PIAS2: variants seen among roughly 807,000 people sequenced by gnomAD.
PIAS2 encodes the protein protein inhibitor of activated STAT 2, also known as E3 SUMO-protein ligase PIAS2.
Under a neutral mutation model 69.7 loss-of-function variants are expected in PIAS2, and 19 were observed. The observed-to-expected ratio is 0.27, with a 90% CI of 0.19 to 0.40. The LOEUF is 0.40. Among genes scored for constraint, PIAS2 ranks in the 10% least tolerant of loss-of-function variants. The probability of loss-of-function intolerance (pLI) is 1.00; values close to 1 mark genes in which losing one functional copy is unlikely to be tolerated. For synonymous variants in PIAS2, 261 were observed against 263.2 expected (o/e 0.99, Z 0.08); for missense variants, 624 against 757.0 (o/e 0.82, Z 2.06).
chr18:46,869,607 T>A (rs1042893504), intron 2 of PIAS2, among the ~76,000 whole-genome samples: 53 of 152,246 alleles, frequency 3.5e-4, no homozygotes, highest in African/African-American at 1.3e-3. Context: ...ATGAAAGATA[T>A]AAAGCTAGTG....
At chr18:46,832,866 T>C (rs1001800832) in intron 9 of PIAS2, among the ~76,000 whole-genome samples, 4 of 131,154 alleles carry the variant, frequency 3.0e-5, no homozygotes, top group African/African-American at 1.2e-4. Flanking sequence ...CACTCCAGCC[T>C]GGGCAACAGA....
intron 8 of PIAS2, among the ~76,000 whole-genome samples, chr18:46,840,512 C>A (rs568634972): frequency 1.3e-5 from 2 of 152,260 alleles, no homozygotes; most frequent in South Asian, 4.1e-4. Flanking sequence ...TTGTTTTTGT[C>A]GTTTTCTTCT....
chr18:46,815,322 A>G lies in PIAS2; in HGVS notation c.1676T>C (p.Val559Ala). 6.2e-7 allele frequency: 1 copy of G among 1,612,172 alleles called. No homozygotes were observed. The highest frequency in any genetic ancestry group is 8.5e-7 in the Non-Finnish European group (1 of 1,178,632). The stretch of plus-strand genomic sequence containing the variant: ...ATTCAGGATACATACCTGGGGATCA[A>G]CTGGAATAAGGGAAAGAAAATCCAA... ...PGLDFLSLIP[V>A]DPQYCPPMFL... Residue 559 changes from valine to alanine, a missense_variant, in exon 13 of 14, where the codon GTT (valine) becomes GCT (alanine). By Grantham distance (64) the Val-to-Ala change is moderately conservative (BLOSUM62 0). This residue lies in a region of PIAS2 where 241 missense variants were observed against 257.3 expected (regional missense o/e 0.94). Coordinates refer to ENST00000585916, the MANE Select transcript of PIAS2 (RefSeq NM_004671.5).
intron 2 of PIAS2, among the ~76,000 whole-genome samples, chr18:46,880,542 T>C (rs1197577753): frequency 6.6e-6 from 1 of 152,152 alleles, no homozygotes; most frequent in Non-Finnish European, 1.5e-5. Context: ...TGATCATGCC[T>C]GTGAATAACC....
At chr18:46,901,073 T>C (rs1051629402) in intron 1 of PIAS2, 6 of 398,668 alleles carry the variant, frequency 1.5e-5, no homozygotes, top group Non-Finnish European at 2.9e-5. Flanking sequence ...AAATTCATTT[T>C]ATGAAACTAA....
intron 8 of PIAS2, among the ~76,000 whole-genome samples, chr18:46,837,477 T>C (rs192072053): frequency 7.2e-4 from 109 of 152,334 alleles, no homozygotes; most frequent in African/African-American, 2.6e-3. Flanking sequence ...ATAGGCACTC[T>C]TTATATAAGA....
chr18:46,825,668 T>C (rs2042751893), intron 11 of PIAS2, among the ~76,000 whole-genome samples: 2 of 152,208 alleles, frequency 1.3e-5, no homozygotes, highest in Admixed American at 6.5e-5. Context: ...GGAACAAAAC[T>C]GGCATGGTAT....
At chr18:46,902,181 T>C (rs2055962732) in intron 1 of PIAS2, among the ~76,000 whole-genome samples, 1 of 145,372 alleles carries the variant, frequency 6.9e-6, no homozygotes, top group Admixed American at 6.9e-5. Context: ...AAAATTAAAA[T>C]ACATATGTAA....
chr18:46,882,953 C>T (rs2052522725), intron 2 of PIAS2, among the ~76,000 whole-genome samples: 1 of 151,490 alleles, frequency 6.6e-6, no homozygotes, highest in South Asian at 2.1e-4. Flanking sequence ...TTAGCCAGGC[C>T]TGGTGGCGGG....
chr18:46,889,361 A>C (rs529933402), intron 2 of PIAS2, among the ~76,000 whole-genome samples: 5 of 152,372 alleles, frequency 3.3e-5, no homozygotes, highest in African/African-American at 9.6e-5. Flanking sequence ...TATATCCAGA[A>C]TATACAGAGA....
chr18:46,865,979 C>T (rs1258738325), intron 2 of PIAS2, among the ~76,000 whole-genome samples: 1 of 152,082 alleles, frequency 6.6e-6, no homozygotes, highest in Non-Finnish European at 1.5e-5. Context: ...CTCTTAACTG[C>T]CAAATGTAAT....
chr18:46,859,447 AAAAAAG>A (rs2048341008), intron 3 of PIAS2, among the ~76,000 whole-genome samples: 1 of 151,428 alleles, frequency 6.6e-6, no homozygotes, highest in South Asian at 2.1e-4. Context: ...AAAAAAAAAA[AAAAAAG>A]AATCAATGAA....
At chr18:46,865,439 C>G (rs959477796) in intron 2 of PIAS2, among the ~76,000 whole-genome samples, 1 of 150,642 alleles carries the variant, frequency 6.6e-6, no homozygotes, top group African/African-American at 2.4e-5. Flanking sequence ...ACTCCAGAGG[C>G]TGAGGCAGAA....
rs543495903 is a variant in PIAS2 at position 46,833,942 on chromosome 18, C to T, written c.1202+2415G>A. Among the ~76,000 whole-genome samples, 5 of 152,234 alleles carry T rather than the reference C, an allele frequency of 3.3e-5. No homozygotes were observed. In the South Asian group the frequency reaches 1.0e-3, roughly 32 times the overall value. Reference sequence around the variant, plus strand: ...CCTTAATGGGATCACCTATTCCCTACTGTAAAGTTCCTTCCTCATCCCCAA... The same window carrying T: ...CCTTAATGGGATCACCTATTCCCTATTGTAAAGTTCCTTCCTCATCCCCAA... On this transcript the variant is annotated intron_variant, in intron 9 of 13. Transcript: ENST00000585916.
At chr18:46,857,749 T>C (rs2048049089) in intron 3 of PIAS2, among the ~76,000 whole-genome samples, 1 of 152,192 alleles carries the variant, frequency 6.6e-6, no homozygotes, top group Non-Finnish European at 1.5e-5. Context: ...GTGCTAAATA[T>C]CTTCACAAAC....
At chr18:46,873,971 G>A (rs1471616894) in intron 2 of PIAS2, among the ~76,000 whole-genome samples, 1 of 152,144 alleles carries the variant, frequency 6.6e-6, no homozygotes, top group Non-Finnish European at 1.5e-5. Flanking sequence ...GAAGGGAAAT[G>A]GGTGTTACCA....
intron 2 of PIAS2, among the ~76,000 whole-genome samples, chr18:46,886,278 T>C (rs191146885): frequency 6.6e-6 from 1 of 152,138 alleles, no homozygotes; most frequent in Non-Finnish European, 1.5e-5. Flanking sequence ...CTCAGAATAA[T>C]AGAAAGTAAT....
At chr18:46,913,561 T>TAA (rs758512713) in intron 1 of PIAS2, among the ~76,000 whole-genome samples, 97 of 136,436 alleles carry the variant, frequency 7.1e-4, no homozygotes, top group South Asian at 5.9e-3. Context: ...GGGAGATCCT[T>TAA]AAAAAAAAAA....
chr18:46,820,892 C>A, intron 12 of PIAS2, 41 bp downstream of exon 12: 1 of 1,563,986 alleles, frequency 6.4e-7, no homozygotes, highest in Admixed American at 1.9e-5. Flanking sequence ...AAAAAATAAA[C>A]TTTCATTAAA....
Sources: gnomAD v4.1 joint callset for allele counts (sites outside exome capture counted in the v4.1 genomes callset) on GRCh38, gnomAD v4.1.1 for gene constraint, gnomAD v4.1.1 regional missense constraint, MANE v1.5 for transcripts, NCBI Gene and HGNC (gene_info 2026-07-23, HGNC 2026-07-21) for gene names.